CNKSR1: variants seen among roughly 807,000 people sequenced by gnomAD.
CNKSR1 encodes connector enhancer of kinase suppressor of Ras 1, also known as CNK homolog protein 1.
A neutral mutation model predicts 95.6 loss-of-function variants in CNKSR1; 88 were observed. That is an observed-to-expected ratio of 0.92 (90% confidence interval 0.78 to 1.10). The LOEUF (loss-of-function observed/expected upper bound fraction) is 1.10, where lower values mean the gene tolerates loss of function less well. Ranked by LOEUF, CNKSR1 falls within the 50% of genes least tolerant of loss-of-function variation. The probability of loss-of-function intolerance (pLI) is 0.00; values close to 1 mark genes in which losing one functional copy is unlikely to be tolerated. For missense variants in CNKSR1, 836 were observed against 912.0 expected (o/e 0.92, Z 1.07); for synonymous variants, 355 against 369.7 (o/e 0.96, Z 0.46).
At chr1:26,186,973 G>T in intron 14 of CNKSR1, 195 bp from the exon 15 acceptor site, 1 of 593,406 alleles carries the variant, frequency 1.7e-6, no homozygotes, top group Non-Finnish European at 3.0e-6. Flanking sequence ...TGGCTTAGAG[G>T]CATCCTTTGG....
At chr1:26,179,949 A>G (rs12088792) in intron 1 of CNKSR1, among the ~76,000 whole-genome samples, 2,362 of 152,200 alleles carry the variant, frequency 0.016, 68 homozygotes, top group African/African-American at 0.053. Context: ...TAGCCTGGGC[A>G]ACATGGTGAA....
chr1:26,184,338 T>C, intron 11 of CNKSR1, 51 bp downstream of exon 11: 1 of 1,604,962 alleles, frequency 6.2e-7, no homozygotes, highest in Non-Finnish European at 8.5e-7. Context: ...GGGCACCCAG[T>C]TCTGACCCCA....
Position 26,180,535 on chromosome 1 carries a change from C to G in CNKSR1, c.135C>G (p.Ser45Arg), listed in dbSNP as rs1557619289. The change falls in exon 2 of 21, where the codon AGC becomes AGG. Residue 45 changes from serine (S) to arginine (R), a missense_variant. Physicochemically the swap from Ser to Arg is moderately radical, Grantham distance 110. Coordinates refer to ENST00000361530, the MANE Select transcript of CNKSR1 (RefSeq NM_006314.3). Reference sequence around the variant, plus strand: ...ACCTGCTCCAGCTCTGCCCCCAAAGCCTCGAGGCTCTGGCTGTGCGGTCTC... The same window carrying G: ...ACCTGCTCCAGCTCTGCCCCCAAAGGCTCGAGGCTCTGGCTGTGCGGTCTC... ...GKNLLQLCPQ[S>R]LEALAVRSLG... 1.2e-6 allele frequency: 2 copies of G among 1,614,096 alleles called. No homozygotes were observed. Among genetic ancestry groups the G allele is most frequent in the African/African-American group, 1.3e-5 (1 of 74,932 alleles).
Position 26,182,340 on chromosome 1 carries a change from GCT to G in CNKSR1, c.478-15_478-14del. 6.2e-7 allele frequency: 1 copy of G among 1,613,990 alleles called. No individual in the cohort carries two copies. The highest frequency in any genetic ancestry group is 8.5e-7 in the Non-Finnish European group (1 of 1,179,886). On this transcript the variant is annotated intron_variant, in intron 4 of 20. Coordinates refer to ENST00000361530, the MANE Select transcript of CNKSR1 (RefSeq NM_006314.3). ...TGGCCCTTGCTCAGGGGAGGCCCCT[GCT>G]CTCTCATTCTACTTCCAGGATGGTC... is the stretch of plus-strand genomic sequence containing the variant.
At chr1:26,185,232 A>C in intron 14 of CNKSR1, 46 bp downstream of exon 14, 1 of 1,530,778 alleles carries the variant, frequency 6.5e-7, no homozygotes. Flanking sequence ...AGTCACTTCC[A>C]GGCCTCGATT....
intron 14 of CNKSR1, among the ~76,000 whole-genome samples, chr1:26,185,831 GA>G (rs1338291274): frequency 4.6e-5 from 7 of 152,090 alleles, no homozygotes; most frequent in African/African-American, 1.7e-4. Context: ...ACATCTGGCC[GA>G]AAAATCACGT....
At chr1:26,186,399 CA>C (rs2088750890) in intron 14 of CNKSR1, among the ~76,000 whole-genome samples, 1 of 152,166 alleles carries the variant, frequency 6.6e-6, no homozygotes, top group South Asian at 2.1e-4. Context: ...CTCCCAGGTT[CA>C]AGCGATCCTC....
rs756288281 is a variant in CNKSR1 at position 26,182,507 on chromosome 1, A to C, written c.547A>C (p.Asn183His). 4 of 1,614,014 alleles carry C rather than the reference A, an allele frequency of 2.5e-6. No individual in the cohort carries two copies. The highest frequency in any genetic ancestry group is 3.4e-6 in the Non-Finnish European group (4 of 1,179,968). Reference protein sequence around the residue: ...ICSHVAGICHNILVCCPKELL... With the variant: ...ICSHVAGICHHILVCCPKELL... ...CAGCCACGTGGCTGGGATCTGCCACAACATCCTGGTCTGCTGCCCCAAGGA... is the reference window on the plus strand; with the variant it reads ...CAGCCACGTGGCTGGGATCTGCCACCACATCCTGGTCTGCTGCCCCAAGGA... Residue 183 changes from asparagine to histidine, a missense_variant, in exon 6 of 21, where the codon AAC becomes CAC. Physicochemically the swap from Asn to His is moderately conservative, Grantham distance 68. Coordinates refer to ENST00000361530, the MANE Select transcript of CNKSR1 (RefSeq NM_006314.3).
chr1:26,188,369 T>C, intron 17 of CNKSR1, 62 bp downstream of exon 17: 2 of 1,610,534 alleles, frequency 1.2e-6, no homozygotes, highest in Non-Finnish European at 8.5e-7. Context: ...TTTCCTGGGA[T>C]GGGGGCTAGG....
At position 26,180,731 on chromosome 1, in the gene CNKSR1, C is replaced by T. The variant is rs144396219; in HGVS notation, c.227C>T (p.Thr76Ile). 1,099 of 1,614,194 alleles carry T rather than the reference C, an allele frequency of 6.8e-4. 8 individuals are homozygous for T. The highest frequency in any genetic ancestry group is 1.2e-4 in the Non-Finnish European group (144 of 1,180,028). ...QLQALSSRLQ[T>I]ENLQSLTEGL... The stretch of plus-strand genomic sequence containing the variant: ...CTGGCACAGAGCTCCAGGCTACAGA[C>T]AGAGAACCTGCAAAGCCTGACAGAG... The change falls in exon 3 of 21, where the codon ACA becomes ATA. Residue 76 changes from threonine to isoleucine, a missense_variant. Thr to Ile is a moderately conservative substitution (Grantham distance 89, BLOSUM62 -1). Transcript: ENST00000361530.
At position 26,188,816 on chromosome 1, in the gene CNKSR1, C is replaced by A. The variant is rs75286440; in HGVS notation, c.1735C>A (p.Gln579Lys). The A allele has an allele frequency of 1.4e-3, 2,248 of 1,612,408 alleles. 21 individuals are homozygous for A. In the African/African-American group the frequency reaches 0.025, roughly 18 times the overall value. The change falls in exon 20 of 21, where the codon CAG becomes AAG. Residue 579 changes from glutamine (Q) to lysine (K), a missense_variant. Gln to Lys is a moderately conservative substitution (Grantham distance 53, BLOSUM62 1). Transcript: ENST00000361530. ...ALEGMVRGLR[Q>K]GGVSLLGQPQ... ...GGAAGGAATGGTACGGGGGCTGAGGCAGGGTGGCGTGTCCCTCCTAGGCCA... is the reference window on the plus strand; with the variant it reads ...GGAAGGAATGGTACGGGGGCTGAGGAAGGGTGGCGTGTCCCTCCTAGGCCA...
intron 6 of CNKSR1, 33 bp downstream of exon 6, chr1:26,182,617 C>T: frequency 6.4e-7 from 1 of 1,571,886 alleles, no homozygotes; most frequent in Non-Finnish European, 8.7e-7. Flanking sequence ...TCACTTCTGA[C>T]CCCTTGGCAG....
Position 26,183,108 on chromosome 1 carries a change from C to A in CNKSR1, c.625-89C>A. On this transcript the variant is annotated intron_variant, in intron 6 of 20. Transcript: ENST00000361530. ...GGTCAGCTCTTGCCACAGTTCCACC[C>A]ACCATAGAGTCCTGGTGTCTGGCGG... 3.0e-6 allele frequency: 4 copies of A among 1,314,950 alleles called. No individual in the cohort carries two copies. The East Asian group carries it at 6.9e-5, about 23-fold the overall frequency. 81.5% of individuals were successfully genotyped at this position (1,314,950 alleles called of 1,614,324 possible).
At chr1:26,187,269 G>A in intron 15 of CNKSR1, 28 bp downstream of exon 15, 2 of 1,604,238 alleles carry the variant, frequency 1.2e-6, no homozygotes, top group Non-Finnish European at 1.7e-6. Flanking sequence ...GATGGGCTGG[G>A]GGATGGAGAC....
rs777103806 is a variant in CNKSR1, at chr1:26,189,532, G to A, written c.2126G>A (p.Arg709Gln). The A allele has an allele frequency of 7.9e-6, 12 of 1,521,508 alleles. No homozygotes were observed. Among genetic ancestry groups the A allele is most frequent in the East Asian group, 4.5e-5 (2 of 44,452 alleles). 94.3% of individuals were successfully genotyped at this position (1,521,508 alleles called of 1,614,324 possible). A position where few individuals can be genotyped will look rare whatever the true frequency, so the allele number is the denominator to read the frequency against. The stretch of plus-strand genomic sequence containing the variant: ...CCCCTGACCTCAGAGAGCAGCCTCC[G>A]ACCTCCTGACCTCTGACCCTGGCCA... ...LCPLTSESSL[R>Q]PPDL The change falls in exon 21 of 21, where the codon CGA becomes CAA. Residue 709 changes from arginine (R) to glutamine (Q), a missense_variant. Arg to Gln is a conservative substitution (Grantham distance 43, BLOSUM62 1). Coordinates refer to ENST00000361530, the MANE Select transcript of CNKSR1 (RefSeq NM_006314.3).
chr1:26,187,537 C>G, intron 16 of CNKSR1, 55 bp downstream of exon 16: 1 of 1,557,674 alleles, frequency 6.4e-7, no homozygotes, highest in Non-Finnish European at 8.9e-7. Context: ...ACTCTGTGAG[C>G]TTGGGAGCCT....
rs142798581 is a variant in CNKSR1, at chr1:26,182,215, C to T, written c.478-146C>T. Reference sequence around the variant, plus strand: ...AGGGAAACGAGCCCTCTGGTTAAAACGCTGAGGCCCTGTGGTTCTGGGCAG... The same window carrying T: ...AGGGAAACGAGCCCTCTGGTTAAAATGCTGAGGCCCTGTGGTTCTGGGCAG... On this transcript the variant is annotated intron_variant, in intron 4 of 20. Coordinates refer to ENST00000361530, the MANE Select transcript of CNKSR1 (RefSeq NM_006314.3). 257 of 846,130 alleles carry T rather than the reference C, an allele frequency of 3.0e-4. 1 individual carries two copies. The African/African-American group carries it at 3.1e-3, about 10-fold the overall frequency. The allele number at this position is 846,130 out of a possible 1,614,324, so 52.4% of individuals were successfully genotyped here.
At chr1:26,179,693 C>A (rs768201722) in intron 1 of CNKSR1, among the ~76,000 whole-genome samples, 16 of 152,168 alleles carry the variant, frequency 1.1e-4, no homozygotes, top group Non-Finnish European at 1.3e-4. Flanking sequence ...TTATTATTCT[C>A]ACATTACAGG....
At chr1:26,177,827 G>A (rs1342723643) in intron 1 of CNKSR1, among the ~76,000 whole-genome samples, 1 of 152,066 alleles carries the variant, frequency 6.6e-6, no homozygotes, top group African/African-American at 2.4e-5. Context: ...ATTATCTGGG[G>A]GTGGTGGCAG....
Sources: gnomAD v4.1 joint callset for allele counts (sites outside exome capture counted in the v4.1 genomes callset) on GRCh38, gnomAD v4.1.1 for gene constraint, MANE v1.5 for transcripts, NCBI Gene and HGNC (gene_info 2026-07-23, HGNC 2026-07-21) for gene names.